Variants in FAM227A observed in about 807,000 individuals in gnomAD.
The protein encoded by FAM227A is family with sequence similarity 227 member A.
FAM227A carries 80 observed loss-of-function variants against 74.7 expected under a neutral mutation model. That is an observed-to-expected ratio of 1.07 (90% CI 0.89 to 1.29). FAM227A has a LOEUF of 1.29. Among genes scored for constraint, FAM227A ranks in the 50% most tolerant of loss-of-function variants. The pLI, the probability that FAM227A is intolerant of heterozygous loss-of-function variation, is 0.00. For synonymous variants in FAM227A, 237 were observed against 241.8 expected, an observed-to-expected ratio of 0.98 and a Z score of 0.19; for missense variants, 654 against 683.4, an observed-to-expected ratio of 0.96 and a Z score of 0.48.
At chr22:38,626,006 A>T (rs2091791498) in intron 9 of FAM227A, among the ~76,000 whole-genome samples, 174 bp downstream of exon 9, 1 of 152,064 alleles carries the variant, frequency 6.6e-6, no homozygotes, top group South Asian at 2.1e-4. Flanking sequence ...GGAAGCAGGA[A>T]AATTTGTATT....
At chr22:38,625,581 G>A (rs1411727338) in intron 9 of FAM227A, among the ~76,000 whole-genome samples, 2 of 152,004 alleles carry the variant, frequency 1.3e-5, no homozygotes, top group African/African-American at 4.8e-5. Context: ...TAACTAACAG[G>A]GCTGTGTTGA....
chr22:38,597,502 A>G, intron 14 of FAM227A, 146 bp from the exon 15 acceptor site: 1 of 807,156 alleles, frequency 1.2e-6, no homozygotes, highest in Non-Finnish European at 2.1e-6. Flanking sequence ...GATACCTGAA[A>G]TCTGAGCAAG....
chr22:38,601,773 G>A (rs915538219), intron 13 of FAM227A, among the ~76,000 whole-genome samples: 1 of 152,104 alleles, frequency 6.6e-6, no homozygotes, highest in Non-Finnish European at 1.5e-5. Flanking sequence ...TCAACTCTAC[G>A]TAGGTGTGAG....
At position 38,580,997 on chromosome 22, in the gene FAM227A, T is replaced by A. The variant is rs879448544; in HGVS notation, c.*5128A>T. The A allele has an allele frequency of 1.3e-5, 2 of 152,216 alleles. No homozygotes were observed. The highest frequency in any genetic ancestry group is 2.9e-5 in the Non-Finnish European group (2 of 68,062). 9.4% of individuals were successfully genotyped at this position (152,216 alleles called of 1,614,324 possible). The stretch of plus-strand genomic sequence containing the variant: ...TTTTGCCTTGTTGGCCAGGCTGGTC[T>A]CAAACTCCTGACCTCAGGTGATCTG... On this transcript the variant is annotated 3_prime_UTR_variant, in exon 17 of 17. Transcript: ENST00000535113.
chr22:38,622,704 T>A (rs2091715837), intron 10 of FAM227A, among the ~76,000 whole-genome samples: 1 of 151,744 alleles, frequency 6.6e-6, no homozygotes, highest in Admixed American at 6.6e-5. Context: ...GGCAAAACCC[T>A]GTCTCTACTA....
At chr22:38,588,176 A>G (rs1485638803) in intron 16 of FAM227A, among the ~76,000 whole-genome samples, 4 of 152,210 alleles carry the variant, frequency 2.6e-5, no homozygotes, top group Non-Finnish European at 5.9e-5. Flanking sequence ...CATGGCTGGT[A>G]TTCCACTTTG....
chr22:38,589,702 G>A (rs1433242260), intron 16 of FAM227A, among the ~76,000 whole-genome samples: 7 of 152,158 alleles, frequency 4.6e-5, no homozygotes, highest in Non-Finnish European at 7.3e-5. Flanking sequence ...TCAGAATAGC[G>A]TGAGACTTCT....
chr22:38,609,404 C>T (rs1486760407), intron 11 of FAM227A, among the ~76,000 whole-genome samples: 5 of 152,062 alleles, frequency 3.3e-5, no homozygotes, highest in Middle Eastern at 3.2e-3. Context: ...CATAGTTGGC[C>T]GCAAGTGGTA....
At chr22:38,596,256 G>A (rs2091042679) in intron 15 of FAM227A, among the ~76,000 whole-genome samples, 1 of 152,162 alleles carries the variant, frequency 6.6e-6, no homozygotes, top group Non-Finnish European at 1.5e-5. Context: ...AGGAGGCAGA[G>A]GCTGCAGTGA....
At position 38,582,698 on chromosome 22, in the gene FAM227A, T is replaced by C. The variant is rs1406006454; in HGVS notation, c.*3427A>G. ...ATGGTCCTGACAGACAGAAATGCAG[T>C]TTGTCCTGGGCTTAGAAAATAAGGA... On this transcript the variant is annotated 3_prime_UTR_variant, in exon 17 of 17. Transcript: ENST00000535113. The C allele has an allele frequency of 1.9e-5, 18 of 970,942 alleles. No homozygotes were observed. Among genetic ancestry groups the C allele is most frequent in the Non-Finnish European group, 2.6e-5 (17 of 662,184 alleles). The allele number at this position is 970,942 out of a possible 1,614,324, so 60.1% of individuals were successfully genotyped here.
chr22:38,654,480 T>A (rs1239453315), intron 1 of FAM227A, among the ~76,000 whole-genome samples: 3 of 152,078 alleles, frequency 2.0e-5, no homozygotes, highest in African/African-American at 7.2e-5. Flanking sequence ...TAGCTACATG[T>A]GACAATTAAG....
intron 6 of FAM227A, 110 bp downstream of exon 6, chr22:38,636,341 A>G (rs779872687): frequency 6.6e-6 from 8 of 1,216,264 alleles, no homozygotes; most frequent in East Asian, 2.6e-5. Context: ...GACACCTGCA[A>G]GCCTGTGGCC....
chr22:38,626,352 C>G (rs1350820354), intron 8 of FAM227A, 49 bp from the exon 9 acceptor site: 7 of 1,521,050 alleles, frequency 4.6e-6, no homozygotes, highest in Non-Finnish European at 6.2e-6. Context: ...TTCCACCCGG[C>G]TTACATGATT....
chr22:38,595,410 G>C (rs2091023711), intron 15 of FAM227A, among the ~76,000 whole-genome samples: 1 of 152,176 alleles, frequency 6.6e-6, no homozygotes, highest in South Asian at 2.1e-4. Flanking sequence ...AGACATGAGA[G>C]AGACAAAGAA....
intron 1 of FAM227A, among the ~76,000 whole-genome samples, chr22:38,654,861 T>C (rs1398075439): frequency 1.4e-5 from 2 of 148,146 alleles, no homozygotes; most frequent in Non-Finnish European, 3.0e-5. Context: ...GGCAGGACAA[T>C]GGCATGAACC....
chr22:38,609,397 A>G (rs557834448), intron 11 of FAM227A, among the ~76,000 whole-genome samples: 2 of 152,258 alleles, frequency 1.3e-5, no homozygotes, highest in Admixed American at 1.3e-4. Flanking sequence ...AACAACTCAT[A>G]GTTGGCCGCA....
At chr22:38,609,282 G>A (rs948873328) in intron 11 of FAM227A, among the ~76,000 whole-genome samples, 1 of 152,166 alleles carries the variant, frequency 6.6e-6, no homozygotes, top group Non-Finnish European at 1.5e-5. Flanking sequence ...CACACGTAGC[G>A]GTAGGGGAGG....
At chr22:38,633,946 T>C (rs1260497056) in intron 6 of FAM227A, among the ~76,000 whole-genome samples, 2 of 152,030 alleles carry the variant, frequency 1.3e-5, no homozygotes. Context: ...TGGCCAGGTG[T>C]GGTGGCTCAC....
intron 13 of FAM227A, among the ~76,000 whole-genome samples, chr22:38,601,015 C>T (rs1055588944): frequency 2.6e-5 from 4 of 150,982 alleles, no homozygotes; most frequent in Admixed American, 1.3e-4. Context: ...AAGGCTCTTA[C>T]CAAAACGTTA....
Sources: gnomAD v4.1 joint callset for allele counts (sites outside exome capture counted in the v4.1 genomes callset) on GRCh38, gnomAD v4.1.1 for gene constraint, MANE v1.5 for transcripts, NCBI Gene and HGNC (gene_info 2026-07-23, HGNC 2026-07-21) for gene names.